The following PTK7 variants were observed in gnomAD, a reference collection of about 807,000 sequenced individuals.
PTK7 encodes protein tyrosine kinase 7 (inactive), also known as inactive tyrosine-protein kinase 7.
PTK7 carries 39 observed loss-of-function variants against 116.6 expected under a neutral mutation model. That is an observed-to-expected ratio of 0.33 (90% CI 0.26 to 0.44). PTK7 has a LOEUF of 0.44. Among genes scored for constraint, PTK7 ranks in the 20% least tolerant of loss-of-function variants. The pLI is 1.00. For synonymous variants in PTK7, 546 were observed against 563.6 expected (o/e 0.97, Z 0.44); for missense variants, 1,169 against 1,425.6 (o/e 0.82, Z 2.90).
At chr6:43,101,557 A>AT (rs1561943083) in intron 1 of PTK7, among the ~76,000 whole-genome samples, 1 of 152,024 alleles carries the variant, frequency 6.6e-6, no homozygotes, top group African/African-American at 2.4e-5. Context: ...GTCTCAAAAA[A>AT]AAAAATAAAA....
At chr6:43,159,659 T>C (rs1298420702) in intron 18 of PTK7, 129 bp from the exon 19 acceptor site, 1 of 932,010 alleles carries the variant, frequency 1.1e-6, no homozygotes, top group Non-Finnish European at 1.7e-6. Context: ...ATGTGACCAA[T>C]TTCTTGATGT....
At chr6:43,095,492 T>G (rs748899687) in intron 1 of PTK7, among the ~76,000 whole-genome samples, 18 of 152,120 alleles carry the variant, frequency 1.2e-4, no homozygotes, top group African/African-American at 4.3e-4. Context: ...TTACCACATA[T>G]GGGTTTCGGA....
chr6:43,081,905 C>T (rs1766403004), intron 1 of PTK7, among the ~76,000 whole-genome samples: 1 of 152,114 alleles, frequency 6.6e-6, no homozygotes, highest in South Asian at 2.1e-4. Flanking sequence ...AGGATCAGAC[C>T]TTCCTTCCCT....
Position 43,143,771 on chromosome 6 carries a change from G to T in PTK7, c.2251+151G>T. The T allele has an allele frequency of 1.2e-6, 1 of 855,504 alleles. No individual in the cohort carries two copies. The highest frequency in any genetic ancestry group is 1.8e-6 in the Non-Finnish European group (1 of 570,788). 53.0% of individuals were successfully genotyped at this position (855,504 alleles called of 1,614,324 possible). On this transcript the variant is annotated intron_variant, in intron 14 of 19. Transcript: ENST00000230419. The surrounding 1 kb of genome is among the most constrained non-coding windows in gnomAD (Gnocchi z 4.2). ...CTGCCCCACCCCTAGCGGGAAGCCTGGAGTTGGATTCCCAGGGCCTCGTCT... is the reference window on the plus strand; with the variant it reads ...CTGCCCCACCCCTAGCGGGAAGCCTTGAGTTGGATTCCCAGGGCCTCGTCT...
chr6:43,130,584 T>C lies in PTK7; in HGVS notation c.735T>C (p.His245=). Residue 245 remains histidine (H), a synonymous_variant, in exon 5 of 20, where the codon CAT becomes CAC. Coordinates refer to ENST00000230419, the MANE Select transcript of PTK7 (RefSeq NM_002821.5). ...VVARYEEAMF[H]CQFSAQPPPS... ...CGAGGTATGAGGAGGCCATGTTCCATTGCCAGTTCTCAGCCCAGCCACCCC... is the reference window on the plus strand; with the variant it reads ...CGAGGTATGAGGAGGCCATGTTCCACTGCCAGTTCTCAGCCCAGCCACCCC... 6.2e-7 allele frequency: 1 copy of C among 1,614,148 alleles called. No homozygotes were observed. Among genetic ancestry groups the C allele is most frequent in the Non-Finnish European group, 8.5e-7 (1 of 1,180,014 alleles).
chr6:43,101,059 C>T (rs1042972777), intron 1 of PTK7, among the ~76,000 whole-genome samples: 2 of 149,578 alleles, frequency 1.3e-5, no homozygotes, highest in African/African-American at 4.9e-5. Context: ...ATGGAGAAAC[C>T]CCGTCTCTAC....
Position 43,114,573 on chromosome 6 carries a change from C to A in PTK7, c.80-14404C>A, listed in dbSNP as rs1024152704. On this transcript the variant is annotated intron_variant, in intron 1 of 19. Coordinates refer to ENST00000230419, the MANE Select transcript of PTK7 (RefSeq NM_002821.5). ...AGCCAGATCTCGGTGCCTTCCAGAC[C>A]CTGACTGAAAGATCAAGGGAGTAGG... Among the ~76,000 whole-genome samples the A allele has an allele frequency of 3.3e-5, 5 of 151,982 alleles. No individual in the cohort carries two copies. The South Asian group carries it at 6.2e-4, about 19-fold the overall frequency.
In PTK7 at chr6:43,139,462, G is replaced by A. The variant is rs1770254836; in HGVS notation, c.1555G>A (p.Glu519Lys). ...ACAGCAGTGCATGGAGTTTGACAAG[G>A]AGGCCACGGTGCCCTGTTCAGCCAC... ...QPQQCMEFDKEATVPCSATGR... is the reference protein window; with the variant it reads ...QPQQCMEFDKKATVPCSATGR... Residue 519 changes from glutamate to lysine, a missense_variant, in exon 10 of 20, where the codon GAG becomes AAG. By Grantham distance (56) the Glu-to-Lys change is moderately conservative. Around this residue, in one of 3 missense-constraint regions of PTK7, gnomAD observed 678 missense variants for 853.8 expected, o/e 0.79. Coordinates refer to ENST00000230419, the MANE Select transcript of PTK7 (RefSeq NM_002821.5). The surrounding 1 kb of genome is among the most constrained non-coding windows in gnomAD (Gnocchi z 4.6). The A allele has an allele frequency of 6.2e-7, 1 of 1,614,116 alleles. No individual in the cohort carries two copies. Among genetic ancestry groups the A allele is most frequent in the African/African-American group, 1.3e-5 (1 of 74,938 alleles).
At chr6:43,157,377 T>TTTTC (rs1561990754) in intron 17 of PTK7, among the ~76,000 whole-genome samples, 6 of 69,722 alleles carry the variant, frequency 8.6e-5, no homozygotes, top group African/African-American at 3.3e-4. Flanking sequence ...TTTTTTTTTC[T>TTTTC]TTTTTTTTTT....
Position 43,076,469 on chromosome 6 carries a change from C to T in PTK7, c.-20C>T. ...CGCGCCCGCCGTGCGCCCTCAGCTC[C>T]TTTTCCTGAGCCCGCCGCGATGGGA... On this transcript the variant is annotated 5_prime_UTR_variant, in exon 1 of 20. Coordinates refer to ENST00000230419, the MANE Select transcript of PTK7 (RefSeq NM_002821.5). This position sits in a 1 kb window ranked among gnomAD's most constrained non-coding sequence, Gnocchi z 5.7. The T allele has an allele frequency of 1.9e-6, 3 of 1,554,552 alleles. No homozygotes were observed. Among genetic ancestry groups the T allele is most frequent in the Non-Finnish European group, 2.6e-6 (3 of 1,158,046 alleles).
intron 1 of PTK7, among the ~76,000 whole-genome samples, chr6:43,080,212 C>T (rs1424468667): frequency 2.6e-5 from 4 of 151,816 alleles, no homozygotes; most frequent in East Asian, 1.9e-4. Context: ...ATTAGCCAGG[C>T]GTGGTGGCAG....
intron 1 of PTK7, among the ~76,000 whole-genome samples, chr6:43,093,893 C>T (rs762310933): frequency 1.3e-5 from 2 of 152,186 alleles, no homozygotes; most frequent in African/African-American, 2.4e-5. Context: ...CCCAAATACC[C>T]CCTAAAAGTT....
At chr6:43,118,653 CTCTCTCTA>C (rs1307577060) in intron 1 of PTK7, among the ~76,000 whole-genome samples, 749 of 79,178 alleles carry the variant, frequency 9.5e-3, no homozygotes, top group African/African-American at 0.03. Context: ...CTCTCTCTCT[CTCTCTCTA>C]TATATATATA....
chr6:43,085,204 C>T (rs973725610), intron 1 of PTK7, among the ~76,000 whole-genome samples: 4 of 152,208 alleles, frequency 2.6e-5, no homozygotes, highest in African/African-American at 4.8e-5. Context: ...GAAGCAGCCC[C>T]TCTGGCTAGC....
chr6:43,114,894 T>G (rs762459721), intron 1 of PTK7, among the ~76,000 whole-genome samples: 1 of 151,990 alleles, frequency 6.6e-6, no homozygotes, highest in Non-Finnish European at 1.5e-5. Context: ...ACAAAAAAAT[T>G]AGCGGGGCAT....
chr6:43,130,047 T>A (rs1443346629), intron 3 of PTK7, among the ~76,000 whole-genome samples, 183 bp from the exon 4 acceptor site: 1 of 151,518 alleles, frequency 6.6e-6, no homozygotes, highest in Non-Finnish European at 1.5e-5. Flanking sequence ...GGAGATCTAA[T>A]ATCAACTTGA....
chr6:43,117,707 A>T (rs1473068252), intron 1 of PTK7, among the ~76,000 whole-genome samples: 1 of 152,208 alleles, frequency 6.6e-6, no homozygotes, highest in Non-Finnish European at 1.5e-5. Context: ...TGGGAGGCCA[A>T]GGTGGGCAGA....
At chr6:43,123,093 C>T (rs1769059776) in intron 1 of PTK7, among the ~76,000 whole-genome samples, 1 of 152,190 alleles carries the variant, frequency 6.6e-6, no homozygotes. Flanking sequence ...GCTCCCCACT[C>T]AGCCAGGGTC....
At chr6:43,085,266 G>A (rs1031479423) in intron 1 of PTK7, among the ~76,000 whole-genome samples, 1 of 152,088 alleles carries the variant, frequency 6.6e-6, no homozygotes, top group Admixed American at 6.6e-5. Context: ...CTTTTGAGGG[G>A]TCAGCCTTTC....
Sources: allele counts gnomAD v4.1 joint callset (sites outside exome capture counted in the v4.1 genomes callset), GRCh38; gene constraint gnomAD v4.1.1; regional missense constraint gnomAD v4.1.1; non-coding constraint Gnocchi (gnomAD v3.1); transcripts MANE v1.5; gene names NCBI Gene and HGNC (gene_info 2026-07-23, HGNC 2026-07-21).